The following KLF17 variants were observed in gnomAD, a reference collection of about 807,000 sequenced individuals.
KLF17 encodes the protein KLF transcription factor 17.
A neutral mutation model predicts 34.2 loss-of-function variants in KLF17; 31 were observed. The ratio of observed to expected loss-of-function variants is 0.91; its 90% CI spans 0.68 to 1.22. KLF17 has a LOEUF of 1.22. Among genes scored for constraint, KLF17 ranks in the 50% most tolerant of loss-of-function variants. The pLI is 0.00. For missense variants in KLF17, 478 were observed against 505.2 expected (o/e 0.95, Z 0.52); for synonymous variants, 179 against 186.7 (o/e 0.96, Z 0.34).
chr1:44,126,500 A>G (rs564679105), intron 1 of KLF17, among the ~76,000 whole-genome samples: 1 of 152,202 alleles, frequency 6.6e-6, no homozygotes, highest in Non-Finnish European at 1.5e-5. Context: ...AATACCCTTC[A>G]TTGTTCCAAA....
At chr1:44,078,944 C>T in the KLF17 span, among the ~76,000 whole-genome samples, 1 of 152,196 alleles carries the variant, frequency 6.6e-6, no homozygotes, top group African/African-American at 2.4e-5. Context: ...CTCAGCCTCC[C>T]AAAGTGCTGG....
the KLF17 span, among the ~76,000 whole-genome samples, chr1:44,073,245 C>T: frequency 1.0e-4 from 15 of 147,458 alleles, no homozygotes; most frequent in Non-Finnish European, 1.6e-4. Flanking sequence ...CTCACTCCGT[C>T]GCCCAGGTTG....
the KLF17 span, among the ~76,000 whole-genome samples, chr1:44,046,470 C>T: frequency 6.6e-6 from 1 of 151,882 alleles, no homozygotes; most frequent in Non-Finnish European, 1.5e-5. Flanking sequence ...AGTCCTCTTC[C>T]TTGGCCTCCC....
At chr1:44,066,277 C>A in the KLF17 span, among the ~76,000 whole-genome samples, 1 of 151,660 alleles carries the variant, frequency 6.6e-6, no homozygotes, top group Non-Finnish European at 1.5e-5. Context: ...CATGATTGCA[C>A]CACTGTACAC....
At chr1:44,103,159 C>T in the KLF17 span, 1 of 547,760 alleles carries the variant, frequency 1.8e-6, no homozygotes, top group Non-Finnish European at 3.3e-6. Flanking sequence ...TATCCCCAAG[C>T]AGTAAACTCC....
the KLF17 span, among the ~76,000 whole-genome samples, chr1:44,111,408 A>T: frequency 7.2e-6 from 1 of 139,702 alleles, no homozygotes; most frequent in East Asian, 2.1e-4. Flanking sequence ...ACTATTTTGC[A>T]TGTTTTAAAG....
At chr1:44,058,667 CTTTTTTTTTTTTTTTTTTTTTTTTTT>C in the KLF17 span, among the ~76,000 whole-genome samples, 3 of 65,204 alleles carry the variant, frequency 4.6e-5, no homozygotes, top group Admixed American at 1.9e-4. Context: ...ATGGGAGGCC[CTTTTTTTTTTTTTTTTTTTTTTTTTT>C]TTTTTTTTTT....
chr1:44,105,993 A>G, the KLF17 span, among the ~76,000 whole-genome samples: 1 of 152,104 alleles, frequency 6.6e-6, no homozygotes, highest in African/African-American at 2.4e-5. Context: ...GTGAGATCCC[A>G]TCTCAGGAAG....
the KLF17 span, among the ~76,000 whole-genome samples, chr1:44,049,209 A>C: frequency 1.3e-5 from 2 of 152,150 alleles, no homozygotes; most frequent in African/African-American, 4.8e-5. Context: ...TAATCCCATC[A>C]TGAGGACCCT....
chr1:44,060,147 T>C, the KLF17 span, among the ~76,000 whole-genome samples: 3 of 152,068 alleles, frequency 2.0e-5, no homozygotes, highest in Admixed American at 2.0e-4. Context: ...AGCCACCTGT[T>C]CCTTTAGGAG....
At chr1:44,124,598 C>G (rs987871248) in intron 1 of KLF17, among the ~76,000 whole-genome samples, 3 of 151,610 alleles carry the variant, frequency 2.0e-5, no homozygotes, top group Admixed American at 6.6e-5. Flanking sequence ...GGGTTCACGC[C>G]ATTCTCCTGC....
In KLF17 at chr1:44,127,720, T is replaced by C. The variant is rs1395322870; in HGVS notation, c.82-1633T>C. On this transcript the variant is annotated intron_variant, in intron 1 of 3. Transcript: ENST00000372299. ...TCTTTCTTTCTTTCTTTCTTCTCTT[T>C]TCTTTCTTTCTTCTCTTTTCTTTCT... is the stretch of plus-strand genomic sequence containing the variant. Among the ~76,000 whole-genome samples the C allele has an allele frequency of 5.0e-4, 70 of 140,806 alleles. 1 individual carries two copies. The highest frequency in any genetic ancestry group is 1.8e-3 in the African/African-American group (64 of 35,048). 92.4% of individuals were successfully genotyped at this position (140,806 alleles called of 152,430 possible).
At chr1:44,125,354 A>G (rs1375476659) in intron 1 of KLF17, among the ~76,000 whole-genome samples, 2 of 152,232 alleles carry the variant, frequency 1.3e-5, no homozygotes, top group African/African-American at 4.8e-5. Flanking sequence ...ATATCAACCC[A>G]TGGTCTTTTA....
chr1:44,117,584 C>A (rs2087895332), upstream of KLF17, among the ~76,000 whole-genome samples: 1 of 151,878 alleles, frequency 6.6e-6, no homozygotes, highest in Non-Finnish European at 1.5e-5. Flanking sequence ...GAACCTCCAC[C>A]ACCCGGATTC....
At chr1:44,108,546 A>G in the KLF17 span, among the ~76,000 whole-genome samples, 2 of 151,592 alleles carry the variant, frequency 1.3e-5, no homozygotes, top group African/African-American at 4.8e-5. Flanking sequence ...GGTAGGCAGC[A>G]GACTTGGTTA....
the KLF17 span, chr1:44,113,723 T>C: frequency 1.3e-5 from 2 of 152,236 alleles, no homozygotes; most frequent in African/African-American, 4.8e-5. Flanking sequence ...ATAAAATGGA[T>C]ATGATAATCC....
chr1:44,117,053 C>G (rs1215105882), upstream of KLF17: 1 of 151,582 alleles, frequency 6.6e-6, no homozygotes, highest in Non-Finnish European at 1.5e-5. Context: ...CCCTCCCTAC[C>G]CCCTTCTGAT....
chr1:44,073,991 T>C, the KLF17 span, among the ~76,000 whole-genome samples: 299 of 152,292 alleles, frequency 2.0e-3, no homozygotes, highest in African/African-American at 7.0e-3. Context: ...TTAGAATAGT[T>C]CCTGGCACGC....
the KLF17 span, among the ~76,000 whole-genome samples, chr1:44,094,559 G>T: frequency 6.6e-6 from 1 of 152,142 alleles, no homozygotes; most frequent in Non-Finnish European, 1.5e-5. Context: ...TTCTGACTAT[G>T]GCTATCCATT....
Sources: gnomAD v4.1 joint callset for allele counts (sites outside exome capture counted in the v4.1 genomes callset) on GRCh38, gnomAD v4.1.1 for gene constraint, MANE v1.5 for transcripts, NCBI Gene and HGNC (gene_info 2026-07-23, HGNC 2026-07-21) for gene names.